The following EML4 variants were observed in gnomAD, a reference collection of about 807,000 sequenced individuals.
EML4 encodes EMAP like 4, also known as echinoderm microtubule-associated protein-like 4.
Under a neutral mutation model 129.0 loss-of-function variants are expected in EML4, and 72 were observed. The ratio of observed to expected loss-of-function variants is 0.56; its 90% CI spans 0.46 to 0.68. The LOEUF is 0.68. Among genes scored for constraint, EML4 ranks in the 30% least tolerant of loss-of-function variants. The pLI, the probability that EML4 is intolerant of heterozygous loss-of-function variation, is 0.00. For missense variants in EML4, 1,363 were observed against 1,190.6 expected, an observed-to-expected ratio of 1.14 and a Z score of -2.13; for synonymous variants, 532 against 405.0, an observed-to-expected ratio of 1.31 and a Z score of -3.77.
At chr2:42,201,048 C>A (rs1223908548) in intron 1 of EML4, among the ~76,000 whole-genome samples, 4 of 152,140 alleles carry the variant, frequency 2.6e-5, no homozygotes, top group Admixed American at 6.5e-5. Flanking sequence ...CTTTTAAGTT[C>A]TTTTAAGTGA....
At chr2:42,201,615 G>C (rs1193943992) in intron 1 of EML4, among the ~76,000 whole-genome samples, 2 of 152,156 alleles carry the variant, frequency 1.3e-5, no homozygotes, top group Non-Finnish European at 2.9e-5. Flanking sequence ...CCCATCAGTA[G>C]ATGAACAGAT....
At chr2:42,295,307 T>C (rs1321452320) in intron 12 of EML4, 48 bp downstream of exon 12, 2 of 1,595,642 alleles carry the variant, frequency 1.3e-6, no homozygotes, top group African/African-American at 2.7e-5. Context: ...AGACTTTAAT[T>C]TTTTTAATTG....
intron 6 of EML4, among the ~76,000 whole-genome samples, chr2:42,277,394 A>T (rs896064237): frequency 4.6e-5 from 7 of 152,216 alleles, no homozygotes; most frequent in African/African-American, 7.2e-5. Context: ...TATGCTAAAA[A>T]TCATCAGGAA....
intron 1 of EML4, among the ~76,000 whole-genome samples, chr2:42,174,808 GT>G (rs1418688090): frequency 6.6e-6 from 1 of 151,914 alleles, no homozygotes; most frequent in Admixed American, 6.6e-5. Context: ...GGTCTAGAAA[GT>G]GGTTTTTTTT....
At chr2:42,191,211 T>C (rs913637988) in intron 1 of EML4, among the ~76,000 whole-genome samples, 7 of 152,208 alleles carry the variant, frequency 4.6e-5, no homozygotes, top group African/African-American at 1.7e-4. Flanking sequence ...GTGTGTGTCA[T>C]GCTTAATATA....
At chr2:42,194,963 A>G (rs1347296616) in intron 1 of EML4, among the ~76,000 whole-genome samples, 2 of 152,234 alleles carry the variant, frequency 1.3e-5, no homozygotes, top group African/African-American at 4.8e-5. Flanking sequence ...AATGCTAACA[A>G]ACAACATTGT....
chr2:42,300,932 G>C (rs1668250927), intron 13 of EML4, among the ~76,000 whole-genome samples: 2 of 152,046 alleles, frequency 1.3e-5, no homozygotes, highest in South Asian at 4.1e-4. Flanking sequence ...AGATAGTAAA[G>C]TTCTGAAACC....
chr2:42,288,076 A>T, intron 10 of EML4, 151 bp from the exon 11 acceptor site: 1 of 408,868 alleles, frequency 2.4e-6, no homozygotes, highest in Non-Finnish European at 4.4e-6. Flanking sequence ...CAATTGTAGT[A>T]AATAGTGTAT....
chr2:42,286,221 T>C (rs766135333), intron 9 of EML4, 48 bp from the exon 10 acceptor site: 7 of 1,054,586 alleles, frequency 6.6e-6, no homozygotes, highest in Non-Finnish European at 1.0e-5. Context: ...TATTGGTGTT[T>C]ATTTGCATCC....
At position 42,201,449 on chromosome 2, in the gene EML4, A is replaced by T. The variant is rs76458003; in HGVS notation, c.25+31813A>T. On this transcript the variant is annotated intron_variant, in intron 1 of 22. Transcript: ENST00000318522. ...TTGAACATAAGTCTAATAGAACTTTAAAAAGTTAAAAGTATAACGCTTTCT... is the reference window on the plus strand; with the variant it reads ...TTGAACATAAGTCTAATAGAACTTTTAAAAGTTAAAAGTATAACGCTTTCT... Among the ~76,000 whole-genome samples, 980 of 152,338 alleles carry T rather than the reference A, an allele frequency of 6.4e-3. 14 individuals are homozygous for T. The highest frequency in any genetic ancestry group is 0.022 in the African/African-American group (914 of 41,574).
intron 1 of EML4, among the ~76,000 whole-genome samples, chr2:42,238,463 T>TTACCA (rs1674813923): frequency 2.6e-5 from 4 of 152,218 alleles, no homozygotes; most frequent in Non-Finnish European, 5.9e-5. Flanking sequence ...AAAAATGTGG[T>TTACCA]CTGGTGCAGT....
At chr2:42,182,493 G>A (rs1671007010) in intron 1 of EML4, among the ~76,000 whole-genome samples, 1 of 152,044 alleles carries the variant, frequency 6.6e-6, no homozygotes, top group Non-Finnish European at 1.5e-5. Context: ...GTACTGTGCT[G>A]CTCCTCTGCC....
At chr2:42,271,811 G>T (rs1323640108) in intron 6 of EML4, among the ~76,000 whole-genome samples, 1 of 152,096 alleles carries the variant, frequency 6.6e-6, no homozygotes, top group Non-Finnish European at 1.5e-5. Flanking sequence ...TTAGAAATCT[G>T]TGCTGTCCAG....
At chr2:42,180,545 A>G (rs968297651) in intron 1 of EML4, among the ~76,000 whole-genome samples, 4 of 152,130 alleles carry the variant, frequency 2.6e-5, no homozygotes, top group Non-Finnish European at 4.4e-5. Context: ...CCTGGCCTCT[A>G]TAGACCTGTC....
chr2:42,234,736 T>C (rs982251178), intron 1 of EML4, among the ~76,000 whole-genome samples: 6 of 152,262 alleles, frequency 3.9e-5, no homozygotes, highest in African/African-American at 1.4e-4. Flanking sequence ...AAGATGGTCA[T>C]GTATATAAAA....
chr2:42,174,717 C>T (rs1670490861), intron 1 of EML4, among the ~76,000 whole-genome samples: 1 of 152,166 alleles, frequency 6.6e-6, no homozygotes, highest in Non-Finnish European at 1.5e-5. Context: ...TCCTTATTTA[C>T]AGTTTACAAA....
At chr2:42,251,589 C>T (rs1005262100) in intron 2 of EML4, among the ~76,000 whole-genome samples, 7 of 152,142 alleles carry the variant, frequency 4.6e-5, no homozygotes, top group African/African-American at 1.7e-4. Context: ...TACATGTAGT[C>T]CTCAATCTTC....
intron 17 of EML4, among the ~76,000 whole-genome samples, chr2:42,306,168 A>C (rs944350486): frequency 6.6e-6 from 1 of 152,246 alleles, no homozygotes; most frequent in Non-Finnish European, 1.5e-5. Context: ...GTAATAGATC[A>C]TGATGAGGTT....
At chr2:42,312,910 A>G (rs1220809271) in intron 17 of EML4, among the ~76,000 whole-genome samples, 2 of 148,644 alleles carry the variant, frequency 1.3e-5, no homozygotes, top group East Asian at 2.0e-4. Context: ...CCTACCTTCA[A>G]GTTGTCCTGC....
Sources: gnomAD v4.1 joint callset for allele counts (sites outside exome capture counted in the v4.1 genomes callset) on GRCh38, gnomAD v4.1.1 for gene constraint, MANE v1.5 for transcripts, NCBI Gene and HGNC (gene_info 2026-07-23, HGNC 2026-07-21) for gene names.